Variants in SLC45A4 observed in about 807,000 individuals in gnomAD.
SLC45A4 encodes solute carrier family 45 member 4.
A neutral mutation model predicts 63.7 loss-of-function variants in SLC45A4; 32 were observed. The observed-to-expected ratio is 0.50, with a 90% CI of 0.38 to 0.67. The LOEUF is 0.67. SLC45A4 is among the 30% of genes least tolerant of loss of function. SLC45A4 has a pLI of 0.00. For missense variants in SLC45A4, 1,027 were observed against 1,157.7 expected, an observed-to-expected ratio of 0.89 and a Z score of 1.64; for synonymous variants, 535 against 510.0, an observed-to-expected ratio of 1.05 and a Z score of -0.66.
chr8:141,246,343 C>T (rs1281853419), intron 2 of SLC45A4, among the ~76,000 whole-genome samples: 2 of 152,212 alleles, frequency 1.3e-5, no homozygotes, highest in African/African-American at 4.8e-5. Flanking sequence ...GCCGGGAATT[C>T]AGGCACAGCT....
In SLC45A4 at chr8:141,212,188, G is replaced by A. The variant is rs368900021; in HGVS notation, c.2301+9C>T. 7.5e-5 allele frequency: 109 copies of A among 1,449,300 alleles called. No individual in the cohort carries two copies. Among genetic ancestry groups the A allele is most frequent in the East Asian group, 1.5e-4 (6 of 39,442 alleles). 89.8% of individuals were successfully genotyped at this position (1,449,300 alleles called of 1,614,324 possible). ...CTGGAATGTGTGTAAACGGGAGTGCGGCTCAGACCACGGACTCTGTCTCCA... is the reference window on the plus strand; with the variant it reads ...CTGGAATGTGTGTAAACGGGAGTGCAGCTCAGACCACGGACTCTGTCTCCA... On this transcript the variant is annotated intron_variant, in intron 8 of 8. Transcript: ENST00000517878.
chr8:141,261,870 C>A (rs1406068083), intron 1 of SLC45A4, among the ~76,000 whole-genome samples: 2 of 152,228 alleles, frequency 1.3e-5, no homozygotes, highest in Non-Finnish European at 2.9e-5. Flanking sequence ...CTGGAAAAAA[C>A]TACTTTAAAG....
chr8:141,280,926 T>C (rs1381661222), intron 1 of SLC45A4, among the ~76,000 whole-genome samples: 2 of 152,246 alleles, frequency 1.3e-5, no homozygotes, highest in Non-Finnish European at 2.9e-5. Flanking sequence ...GACCGGGCTG[T>C]GCGTCCTACA....
intron 2 of SLC45A4, 23 bp from the exon 3 acceptor site, chr8:141,221,788 C>T (rs748944711): frequency 1.6e-5 from 25 of 1,605,522 alleles, no homozygotes; most frequent in Admixed American, 8.5e-5. Context: ...CGAGGGCCGT[C>T]GCACACGCAG....
Position 141,256,744 on chromosome 8 carries a change from G to A in SLC45A4, c.-400-2115C>T, listed in dbSNP as rs375001824. 2.5e-6 allele frequency: 1 copy of A among 402,258 alleles called. No homozygotes were observed. Among genetic ancestry groups the A allele is most frequent in the South Asian group, 1.7e-5 (1 of 59,036 alleles). 24.9% of individuals were successfully genotyped at this position (402,258 alleles called of 1,614,324 possible). A position where few individuals can be genotyped will look rare whatever the true frequency, so the allele number is the denominator to read the frequency against. ...GCTACGATTCCACACGACAGCCCTC[G>A]AGAATTCTTTCAAGTTTTCCAAATG... is the stretch of plus-strand genomic sequence containing the variant. On this transcript the variant is annotated intron_variant, in intron 1 of 8. Coordinates refer to ENST00000517878, the MANE Select transcript of SLC45A4 (RefSeq NM_001286646.2). The surrounding 1 kb of genome is among the most constrained non-coding windows in gnomAD (Gnocchi z 4.3).
chr8:141,290,786 G>A lies in SLC45A4; in HGVS notation c.-401+17310C>T, dbSNP rs140981498. Among the ~76,000 whole-genome samples, 500 of 152,354 alleles carry A rather than the reference G, an allele frequency of 3.3e-3. 3 individuals carry two copies. Among genetic ancestry groups the A allele is most frequent in the African/African-American group, 0.012 (486 of 41,590 alleles). On this transcript the variant is annotated intron_variant, in intron 1 of 8. Coordinates refer to ENST00000517878, the MANE Select transcript of SLC45A4 (RefSeq NM_001286646.2). ...CTTACCCTACGGTCCAGAGACTGCA[G>A]GGATGTGGCGGGGGGGCCTGGGGAG...
At chr8:141,263,566 CA>C (rs1306841091) in intron 1 of SLC45A4, among the ~76,000 whole-genome samples, 3 of 151,208 alleles carry the variant, frequency 2.0e-5, no homozygotes, top group African/African-American at 7.3e-5. Flanking sequence ...AGATCAAGAC[CA>C]TCCTGGTCAA....
intron 2 of SLC45A4, among the ~76,000 whole-genome samples, chr8:141,251,898 C>A (rs1402011773): frequency 6.7e-6 from 1 of 150,310 alleles, no homozygotes; most frequent in Non-Finnish European, 1.5e-5. Context: ...AGTGCTGATG[C>A]CAGCGGGGCT....
chr8:141,245,465 G>T (rs369787905), intron 2 of SLC45A4, among the ~76,000 whole-genome samples: 1 of 152,146 alleles, frequency 6.6e-6, no homozygotes, highest in East Asian at 1.9e-4. Flanking sequence ...GCTCCATCAC[G>T]TCTTCTGTCC....
chr8:141,212,581 G>T (rs1335034244), intron 7 of SLC45A4, 25 bp from the exon 8 acceptor site: 5 of 1,570,678 alleles, frequency 3.2e-6, no homozygotes, highest in Non-Finnish European at 2.6e-6. Context: ...ACACGAGGCG[G>T]TGAGCGGCTG....
At chr8:141,219,619 C>T (rs781535197) in intron 4 of SLC45A4, 31 bp downstream of exon 4, 26 of 1,577,452 alleles carry the variant, frequency 1.6e-5, no homozygotes, top group African/African-American at 9.4e-5. Flanking sequence ...CGTTGGAACC[C>T]GGCCACCCAG....
At chr8:141,242,511 C>T (rs1827962678) in intron 2 of SLC45A4, among the ~76,000 whole-genome samples, 1 of 152,136 alleles carries the variant, frequency 6.6e-6, no homozygotes. Flanking sequence ...ACACCATACT[C>T]CCCCATTATC....
In SLC45A4 at chr8:141,254,006, G is replaced by C; in HGVS notation, c.224C>G (p.Pro75Arg). The change falls in exon 2 of 9, where the codon CCA becomes CGA. Residue 75 changes from proline to arginine, a missense_variant. Physicochemically the swap from Pro to Arg is moderately radical, Grantham distance 103. Coordinates refer to ENST00000517878, the MANE Select transcript of SLC45A4 (RefSeq NM_001286646.2). The surrounding 1 kb of genome is among the most constrained non-coding windows in gnomAD (Gnocchi z 4.5). ...AGACTTACCAATCTGCAACAGTATTGGTGTGACCAGAGCGGTTTCCATGGC... is the reference window on the plus strand; with the variant it reads ...AGACTTACCAATCTGCAACAGTATTCGTGTGACCAGAGCGGTTTCCATGGC... Reference protein sequence around the residue: ...CYAMETALVTPILLQIGLPEQ... With the variant: ...CYAMETALVTRILLQIGLPEQ... The C allele has an allele frequency of 1.3e-6, 2 of 1,536,152 alleles. No homozygotes were observed. Among genetic ancestry groups the C allele is most frequent in the Non-Finnish European group, 1.7e-6 (2 of 1,146,914 alleles).
chr8:141,267,889 G>T (rs1055210568), intron 1 of SLC45A4, among the ~76,000 whole-genome samples: 1 of 151,952 alleles, frequency 6.6e-6, no homozygotes, highest in African/African-American at 2.4e-5. Flanking sequence ...CAACCACTTC[G>T]AAAGACGGTT....
At chr8:141,217,393 G>A (rs931202583) in intron 5 of SLC45A4, among the ~76,000 whole-genome samples, 7 of 152,232 alleles carry the variant, frequency 4.6e-5, no homozygotes, top group Non-Finnish European at 8.8e-5. Context: ...GTTCTGTGAC[G>A]TGACTCTGCC....
intron 2 of SLC45A4, among the ~76,000 whole-genome samples, chr8:141,238,414 C>T (rs1827737083): frequency 1.3e-5 from 2 of 152,184 alleles, no homozygotes; most frequent in Admixed American, 6.5e-5. Context: ...TCACCACTCA[C>T]CCCAGAGCGA....
intron 2 of SLC45A4, among the ~76,000 whole-genome samples, chr8:141,222,524 C>G (rs1799770974): frequency 6.6e-6 from 1 of 152,202 alleles, no homozygotes; most frequent in Non-Finnish European, 1.5e-5. Context: ...CCAGGTCACA[C>G]AGCTAGGATT....
In SLC45A4 at chr8:141,278,072, C is replaced by A. The variant is rs1829797602; in HGVS notation, c.-400-23443G>T. ...TACAGATGCATGCCAACATCCATGT[C>A]CGACTTATAAGTCACTGTTTTAAAT... On this transcript the variant is annotated intron_variant, in intron 1 of 8. Coordinates refer to ENST00000517878, the MANE Select transcript of SLC45A4 (RefSeq NM_001286646.2). This position sits in a 1 kb window ranked among gnomAD's most constrained non-coding sequence, Gnocchi z 4.1. Among the ~76,000 whole-genome samples, 1 of 152,200 alleles carries A rather than the reference C, an allele frequency of 6.6e-6. No homozygotes were observed. Among genetic ancestry groups the A allele is most frequent in the Admixed American group, 6.5e-5 (1 of 15,282 alleles).
In SLC45A4 at chr8:141,254,499, G is replaced by A; in HGVS notation, c.-270C>T. ...GAATTAGAGTTAAAAATCCATAATTGCCATTCAGTTAATACCAGTTTCATC... is the reference window on the plus strand; with the variant it reads ...GAATTAGAGTTAAAAATCCATAATTACCATTCAGTTAATACCAGTTTCATC... On this transcript the variant is annotated 5_prime_UTR_variant, in exon 2 of 9. It introduces an in-frame stop codon into an upstream open reading frame of the 5' UTR. Transcript: ENST00000517878. The surrounding 1 kb of genome is among the most constrained non-coding windows in gnomAD (Gnocchi z 4.5). The A allele has an allele frequency of 1.5e-6, 1 of 686,992 alleles. No individual in the cohort carries two copies. The highest frequency in any genetic ancestry group is 1.5e-5 in the South Asian group (1 of 66,038). The allele number at this position is 686,992 out of a possible 1,614,324, so 42.6% of individuals were successfully genotyped here. A position where few individuals can be genotyped will look rare whatever the true frequency, so the allele number is the denominator to read the frequency against.
Sources: allele counts gnomAD v4.1 joint callset (sites outside exome capture counted in the v4.1 genomes callset), GRCh38; gene constraint gnomAD v4.1.1; non-coding constraint Gnocchi (gnomAD v3.1); transcripts MANE v1.5; gene names NCBI Gene and HGNC (gene_info 2026-07-23, HGNC 2026-07-21).